Variants in PTPN3 observed in about 807,000 individuals in gnomAD.
PTPN3 encodes protein tyrosine phosphatase non-receptor type 3.
Under a neutral mutation model 132.7 loss-of-function variants are expected in PTPN3, and 96 were observed. That is an observed-to-expected ratio of 0.72 (90% confidence interval 0.61 to 0.86). PTPN3 has a LOEUF of 0.86. PTPN3 is among the 40% of genes least tolerant of loss of function. PTPN3 has a pLI of 0.00. For missense variants in PTPN3, 1,125 were observed against 1,159.6 expected, an observed-to-expected ratio of 0.97 and a Z score of 0.43; for synonymous variants, 398 against 429.0, an observed-to-expected ratio of 0.93 and a Z score of 0.89.
intron 16 of PTPN3, among the ~76,000 whole-genome samples, chr9:109,409,653 C>G (rs1339149858): frequency 2.0e-5 from 3 of 152,026 alleles, no homozygotes; most frequent in Admixed American, 2.0e-4. Context: ...AACCCCATCT[C>G]TACAAAAAAT....
chr9:109,503,607 G>A, the PTPN3 span, among the ~76,000 whole-genome samples: 1 of 152,050 alleles, frequency 6.6e-6, no homozygotes, highest in Non-Finnish European at 1.5e-5. Flanking sequence ...CACTTGGGAG[G>A]CTGAGGCAGG....
rs146626258 is a variant in PTPN3, at chr9:109,482,318, C to T, written c.-18+15901G>A. 4.2e-3 allele frequency among the ~76,000 whole-genome samples: 633 copies of T among 152,282 alleles called. 3 individuals carry two copies. Among genetic ancestry groups the T allele is most frequent in the Middle Eastern group, 0.014 (4 of 294 alleles). On this transcript the variant is annotated intron_variant, in intron 1 of 25. Transcript: ENST00000374541. ...AAAAAAGCTACTTGCCAATTTCGGA[C>T]GGCCAGTTAAGTAAGCCACAAAACA...
At chr9:109,460,613 G>A (rs1036632082) in intron 2 of PTPN3, among the ~76,000 whole-genome samples, 1 of 152,112 alleles carries the variant, frequency 6.6e-6, no homozygotes, top group African/African-American at 2.4e-5. Flanking sequence ...CCTTTGCACT[G>A]CTGTTCCTTC....
At chr9:109,512,784 T>C in the PTPN3 span, among the ~76,000 whole-genome samples, 1 of 152,230 alleles carries the variant, frequency 6.6e-6, no homozygotes, top group African/African-American at 2.4e-5. Flanking sequence ...ACACAAAATG[T>C]TTCAGAGAAG....
chr9:109,414,297 G>A (rs761730013), intron 14 of PTPN3, among the ~76,000 whole-genome samples: 1 of 152,238 alleles, frequency 6.6e-6, no homozygotes, highest in Non-Finnish European at 1.5e-5. Context: ...CTGGGGTCCT[G>A]CTGAATGCAG....
chr9:109,442,291 G>A (rs531402770), intron 7 of PTPN3, among the ~76,000 whole-genome samples: 13 of 152,180 alleles, frequency 8.5e-5, no homozygotes, highest in South Asian at 6.2e-4. Flanking sequence ...CACGCAATCC[G>A]CCTGCCTCAG....
At chr9:109,430,451 T>C (rs1415745390) in intron 10 of PTPN3, among the ~76,000 whole-genome samples, 4 of 152,100 alleles carry the variant, frequency 2.6e-5, no homozygotes, top group Admixed American at 2.6e-4. Flanking sequence ...CTCCCTGAGC[T>C]GTCAAATCTG....
chr9:109,396,614 A>G (rs1016611716), intron 19 of PTPN3, among the ~76,000 whole-genome samples: 2 of 152,192 alleles, frequency 1.3e-5, no homozygotes, highest in East Asian at 1.9e-4. Flanking sequence ...TTCTCATTCT[A>G]TCAGAGTATA....
At position 109,406,627 on chromosome 9, in the gene PTPN3, T is replaced by G. The variant is rs766071865; in HGVS notation, c.1636-9A>C. On this transcript the variant is annotated splice_polypyrimidine_tract_variant and intron_variant, in intron 17 of 25. Transcript: ENST00000374541. ...GGAATGCAGGTGTCCGCCTGGGTGGTGGGGAAAAGCGAGTTTCTCCTGTTA... is the reference window on the plus strand; with the variant it reads ...GGAATGCAGGTGTCCGCCTGGGTGGGGGGGAAAAGCGAGTTTCTCCTGTTA... The G allele has an allele frequency of 6.8e-6, 11 of 1,613,546 alleles. No homozygotes were observed. The highest frequency in any genetic ancestry group is 2.7e-5 in the African/African-American group (2 of 74,916).
At chr9:109,490,705 C>T (rs1222179677) in intron 1 of PTPN3, among the ~76,000 whole-genome samples, 1 of 151,994 alleles carries the variant, frequency 6.6e-6, no homozygotes, top group Non-Finnish European at 1.5e-5. Flanking sequence ...AGCCACTGCA[C>T]TCCAGCCTGG....
intron 19 of PTPN3, among the ~76,000 whole-genome samples, chr9:109,399,781 G>T (rs1354619686): frequency 6.6e-6 from 1 of 151,962 alleles, no homozygotes; most frequent in African/African-American, 2.4e-5. Context: ...CACCTGCAGT[G>T]GGCCCTGCTG....
At chr9:109,523,901 A>T in the PTPN3 span, among the ~76,000 whole-genome samples, 2 of 151,792 alleles carry the variant, frequency 1.3e-5, no homozygotes, top group Non-Finnish European at 2.9e-5. Context: ...GTTTGCAATG[A>T]CCTCCCTGGG....
intron 1 of PTPN3, among the ~76,000 whole-genome samples, chr9:109,491,177 C>A (rs1209231675): frequency 6.9e-6 from 1 of 145,874 alleles, no homozygotes; most frequent in Non-Finnish European, 1.5e-5. Flanking sequence ...GCCTGGGTGG[C>A]AGAGTGAGGG....
chr9:109,536,482 C>G, the PTPN3 span, among the ~76,000 whole-genome samples: 1 of 152,166 alleles, frequency 6.6e-6, no homozygotes, highest in Non-Finnish European at 1.5e-5. Context: ...CAATTTTTGT[C>G]AAAGCGCAAT....
the PTPN3 span, among the ~76,000 whole-genome samples, chr9:109,522,652 G>T: frequency 6.6e-6 from 1 of 152,126 alleles, no homozygotes; most frequent in Non-Finnish European, 1.5e-5. Flanking sequence ...ACTACAACAT[G>T]TAATAACAAC....
chr9:109,471,332 AC>A (rs1380165290), intron 1 of PTPN3, among the ~76,000 whole-genome samples: 7 of 152,226 alleles, frequency 4.6e-5, no homozygotes, highest in Non-Finnish European at 1.0e-4. Flanking sequence ...TGCTGGGATT[AC>A]AGGCGTGAGC....
chr9:109,509,087 A>G, the PTPN3 span, among the ~76,000 whole-genome samples: 1 of 152,212 alleles, frequency 6.6e-6, no homozygotes, highest in Admixed American at 6.5e-5. Context: ...GTCCACCTGT[A>G]TTGCTGAGTG....
chr9:109,375,878 G>C lies in PTPN3; in HGVS notation c.*3678C>G, dbSNP rs927207898. 6.6e-6 allele frequency: 1 copy of C among 152,212 alleles called. No homozygotes were observed. Among genetic ancestry groups the C allele is most frequent in the Non-Finnish European group, 1.5e-5 (1 of 68,052 alleles). 9.4% of individuals were successfully genotyped at this position (152,212 alleles called of 1,614,324 possible). On this transcript the variant is annotated 3_prime_UTR_variant, in exon 26 of 26. Transcript: ENST00000374541. ...TTGCTCCAAACAGAATGAGAGCTAT[G>C]AGAATGGTGGCCCAGCCCGGCCATC...
intron 5 of PTPN3, chr9:109,450,458 T>C: frequency 2.0e-6 from 2 of 982,854 alleles, no homozygotes; most frequent in Non-Finnish European, 2.4e-6. Context: ...CAGTATGTCT[T>C]CCTAGGGATA....
Sources: gnomAD v4.1 joint callset for allele counts (sites outside exome capture counted in the v4.1 genomes callset) on GRCh38, gnomAD v4.1.1 for gene constraint, MANE v1.5 for transcripts, NCBI Gene and HGNC (gene_info 2026-07-23, HGNC 2026-07-21) for gene names.